The following ERAP1 variants were observed in gnomAD, a reference collection of about 807,000 sequenced individuals.
The protein encoded by ERAP1 is adipocyte-derived leucine aminopeptidase.
ERAP1 carries 86 observed loss-of-function variants against 103.7 expected under a neutral mutation model. That is an observed-to-expected ratio of 0.83 (90% CI 0.70 to 0.99). The LOEUF is 0.99. Ranked by LOEUF, ERAP1 falls within the 50% of genes least tolerant of loss-of-function variation. ERAP1 has a pLI of 0.00. For synonymous variants in ERAP1, 398 were observed against 402.4 expected (o/e 0.99, Z 0.13); for missense variants, 1,009 against 1,128.4 (o/e 0.89, Z 1.52).
the ERAP1 span, among the ~76,000 whole-genome samples, chr5:96,868,819 G>T: frequency 6.6e-6 from 1 of 152,032 alleles, no homozygotes; most frequent in African/African-American, 2.4e-5. Flanking sequence ...ACTGCCCTAG[G>T]CTCTACTAAT....
downstream of ERAP1, chr5:96,769,677 T>C (rs900632092): frequency 6.6e-6 from 1 of 152,022 alleles, no homozygotes; most frequent in African/African-American, 2.4e-5. Flanking sequence ...ATTAACTCTC[T>C]ACACTTGTTC....
the ERAP1 span, among the ~76,000 whole-genome samples, chr5:96,883,036 T>A: frequency 6.6e-6 from 1 of 152,152 alleles, no homozygotes; most frequent in Non-Finnish European, 1.5e-5. Context: ...ATATATCTAT[T>A]ATACCTGTCA....
chr5:96,773,850 C>T (rs1716049319), downstream of ERAP1: 1 of 152,200 alleles, frequency 6.6e-6, no homozygotes, highest in South Asian at 2.1e-4. Context: ...AGGGCATGGC[C>T]TTCCTTAGCA....
the ERAP1 span, chr5:96,900,130 G>GA: frequency 1.9e-6 from 3 of 1,613,726 alleles, no homozygotes. Flanking sequence ...GAGTTGTTTA[G>GA]AAAGTGATTT....
the ERAP1 span, chr5:96,875,859 G>A: frequency 6.6e-6 from 1 of 152,312 alleles, no homozygotes; most frequent in Non-Finnish European, 1.5e-5. Flanking sequence ...GTACTGGAAA[G>A]GATAAAGAGA....
chr5:96,852,822 C>T, the ERAP1 span, among the ~76,000 whole-genome samples: 1 of 152,138 alleles, frequency 6.6e-6, no homozygotes, highest in African/African-American at 2.4e-5. Context: ...TATTCATTTT[C>T]TCTTGGCAGG....
chr5:96,912,996 T>C, the ERAP1 span, among the ~76,000 whole-genome samples: 1 of 152,210 alleles, frequency 6.6e-6, no homozygotes, highest in Non-Finnish European at 1.5e-5. Flanking sequence ...ATTAATCATA[T>C]GATTGAGACT....
At chr5:96,766,340 C>G (rs1769956718) in intron 19 of ERAP1, among the ~76,000 whole-genome samples, 1 of 152,184 alleles carries the variant, frequency 6.6e-6, no homozygotes, top group Non-Finnish European at 1.5e-5. Context: ...TATGCATATG[C>G]TAGGCTCTGT....
chr5:96,770,225 A>G (rs1294767773), downstream of ERAP1: 8 of 327,030 alleles, frequency 2.4e-5, no homozygotes, highest in Admixed American at 2.8e-4. Flanking sequence ...CCTTGCCGAC[A>G]TTTATTATCT....
intron 8 of ERAP1, among the ~76,000 whole-genome samples, chr5:96,791,517 G>A (rs984257344): frequency 1.3e-5 from 2 of 152,282 alleles, no homozygotes; most frequent in Non-Finnish European, 1.5e-5. Flanking sequence ...TACAAAGAGA[G>A]AACAACAACT....
At chr5:96,932,935 T>A in the ERAP1 span, among the ~76,000 whole-genome samples, 11 of 152,184 alleles carry the variant, frequency 7.2e-5, no homozygotes, top group African/African-American at 2.4e-4. Context: ...TCTCCTTTGA[T>A]AATGAATCGT....
At chr5:96,777,196 G>T (rs1774457173) in intron 18 of ERAP1, among the ~76,000 whole-genome samples, 2 of 152,242 alleles carry the variant, frequency 1.3e-5, no homozygotes, top group South Asian at 4.1e-4. Context: ...TTCATTTGTG[G>T]GTATCTTAAT....
At chr5:96,829,725 A>T in the ERAP1 span, among the ~76,000 whole-genome samples, 1 of 152,224 alleles carries the variant, frequency 6.6e-6, no homozygotes, top group Non-Finnish European at 1.5e-5. Context: ...ATTTTTAATT[A>T]TTTTTGTATG....
the ERAP1 span, chr5:96,876,383 C>T: frequency 1.3e-5 from 2 of 152,300 alleles, no homozygotes; most frequent in African/African-American, 2.4e-5. Context: ...AAGCTCTTAT[C>T]CTAAGCTCCA....
At chr5:96,878,682 C>A in the ERAP1 span, among the ~76,000 whole-genome samples, 2 of 152,034 alleles carry the variant, frequency 1.3e-5, no homozygotes, top group Admixed American at 1.3e-4. Flanking sequence ...GATCTCAGCA[C>A]TTTGGGAGGC....
At chr5:96,867,277 G>C in the ERAP1 span, among the ~76,000 whole-genome samples, 6 of 152,024 alleles carry the variant, frequency 3.9e-5, no homozygotes, top group South Asian at 2.1e-4. Context: ...AAAGTGTTAG[G>C]GTTACAGGCA....
chr5:96,903,674 G>C, the ERAP1 span: 18 of 974,664 alleles, frequency 1.8e-5, no homozygotes, highest in Non-Finnish European at 2.4e-5. Flanking sequence ...GATTTGAATG[G>C]AATTCAAACA....
At chr5:96,931,032 A>C in the ERAP1 span, among the ~76,000 whole-genome samples, 27 of 152,344 alleles carry the variant, frequency 1.8e-4, no homozygotes, top group South Asian at 2.1e-3. Flanking sequence ...TTACCTGGTT[A>C]GTATGGCTAT....
At chr5:96,787,423 G>A (rs1581576409) in intron 11 of ERAP1, among the ~76,000 whole-genome samples, 1 of 151,958 alleles carries the variant, frequency 6.6e-6, no homozygotes, top group African/African-American at 2.4e-5. Context: ...CCGCCACCAT[G>A]CCCGGCTAAT....
Sources: gnomAD v4.1 joint callset for allele counts (sites outside exome capture counted in the v4.1 genomes callset) on GRCh38, gnomAD v4.1.1 for gene constraint, MANE v1.5 for transcripts, NCBI Gene and HGNC (gene_info 2026-07-23, HGNC 2026-07-21) for gene names.